The following ADCYAP1 variants were observed in gnomAD, a reference collection of about 807,000 sequenced individuals.
The protein encoded by ADCYAP1 is adenylate cyclase activating polypeptide 1.
In ADCYAP1, 6 loss-of-function variants were observed where a neutral mutation model predicts 18.5. That is an observed-to-expected ratio of 0.32 (90% CI 0.18 to 0.64). The LOEUF (loss-of-function observed/expected upper bound fraction) is 0.64. ADCYAP1 is among the 30% of genes least tolerant of loss of function. The pLI is 0.77. For synonymous variants in ADCYAP1, 136 were observed against 113.9 expected (o/e 1.19, Z -1.24); for missense variants, 314 against 253.6 (o/e 1.24, Z -1.62).
intron 3 of ADCYAP1, 138 bp from the exon 4 acceptor site, chr18:908,127 G>C (rs8192599): frequency 0.06 from 44,887 of 750,060 alleles, 1,548 homozygotes; most frequent in African/African-American, 0.11. Context: ...GGGAGTTATT[G>C]GCGAGTTCTG....
chr18:910,489 C>T lies in ADCYAP1; in HGVS notation c.*854C>T, dbSNP rs1472974699. On this transcript the variant is annotated 3_prime_UTR_variant, in exon 5 of 5. Coordinates refer to ENST00000450565, the MANE Select transcript of ADCYAP1 (RefSeq NM_001099733.2). ...CTGAGTGGCCAGGGAATCTAATATC[C>T]CCAAATTAGGGCAATTGGAACAAAG... 1 of 152,146 alleles carries T rather than the reference C, an allele frequency of 6.6e-6. No homozygotes were observed. The highest frequency in any genetic ancestry group is 1.5e-5 in the Non-Finnish European group (1 of 68,060). 9.4% of individuals were successfully genotyped at this position (152,146 alleles called of 1,614,324 possible). A position where few individuals can be genotyped will look rare whatever the true frequency, so the allele number is the denominator to read the frequency against.
intron 4 of ADCYAP1, among the ~76,000 whole-genome samples, chr18:908,907 A>C (rs1226745468): frequency 6.6e-6 from 1 of 152,198 alleles, no homozygotes; most frequent in Non-Finnish European, 1.5e-5. Flanking sequence ...TGAATAAGTC[A>C]TGCAGTGAAA....
upstream of ADCYAP1, chr18:904,684 C>A: frequency 8.2e-7 from 1 of 1,217,338 alleles, no homozygotes. Context: ...GCCTTCCTCC[C>A]CTTCTTTTCT....
rs757900497 is a variant in ADCYAP1 at position 907,704 on chromosome 18, C to T, written c.156C>T (p.Asp52=). The T allele has an allele frequency of 1.3e-6, 2 of 1,562,872 alleles. No individual in the cohort carries two copies. The highest frequency in any genetic ancestry group is 1.2e-5 in the South Asian group (1 of 86,070). ...AYGEDGNPLP[D]FDGSEPPGAG... is the part of the protein sequence containing the mutation. ...GCGAGGACGGAAACCCGCTGCCAGA[C>T]TTCGATGGCTCGGAGCCGCCGGGCG... Residue 52 remains aspartate (D), a synonymous_variant, in exon 3 of 5, where the codon GAC becomes GAT. Coordinates refer to ENST00000450565, the MANE Select transcript of ADCYAP1 (RefSeq NM_001099733.2).
chr18:905,035 C>A lies in ADCYAP1; in HGVS notation c.-27C>A. 1 of 1,294,936 alleles carries A rather than the reference C, an allele frequency of 7.7e-7. No homozygotes were observed. The highest frequency in any genetic ancestry group is 1.0e-6 in the Non-Finnish European group (1 of 993,062). 80.2% of individuals were successfully genotyped at this position (1,294,936 alleles called of 1,614,324 possible). ...TTGCCCGCCGTCCTACCTGGCAGCT[C>A]TCCTGGCAGCGGGAGGAGTTGAAGG... On this transcript the variant is annotated 5_prime_UTR_variant, in exon 1 of 5. Transcript: ENST00000450565.
chr18:905,540 A>G, intron 2 of ADCYAP1, 44 bp downstream of exon 2: 4 of 1,594,164 alleles, frequency 2.5e-6, no homozygotes, highest in Non-Finnish European at 3.4e-6. Flanking sequence ...GGGGCTTCCC[A>G]GGCACAGACG....
At chr18:905,198 A>AT in intron 1 of ADCYAP1, 138 bp downstream of exon 1, 6 of 1,426,150 alleles carry the variant, frequency 4.2e-6, no homozygotes, top group South Asian at 3.0e-5. Context: ...GCATATATAT[A>AT]TATTTTTTTC....
chr18:907,482 G>A, intron 2 of ADCYAP1, 177 bp from the exon 3 acceptor site: 1 of 623,604 alleles, frequency 1.6e-6, no homozygotes, highest in Non-Finnish European at 2.5e-6. Flanking sequence ...GGAGTGGTTG[G>A]GTGTCGTTGC....
Position 908,311 on chromosome 18 carries a change from G to A in ADCYAP1, c.289G>A (p.Asp97Asn). The A allele has an allele frequency of 1.2e-6, 2 of 1,613,452 alleles. No homozygotes were observed. The highest frequency in any genetic ancestry group is 1.7e-6 in the Non-Finnish European group (2 of 1,179,800). Residue 97 changes from aspartate to asparagine, a missense_variant, in exon 4 of 5, where the codon GAC becomes AAC. Physicochemically the swap from Asp to Asn is conservative, Grantham distance 23. Coordinates refer to ENST00000450565, the MANE Select transcript of ADCYAP1 (RefSeq NM_001099733.2). Reference protein sequence around the residue: ...ILNEAYRKVLDQLSAGKHLQS... With the variant: ...ILNEAYRKVLNQLSAGKHLQS... The stretch of plus-strand genomic sequence containing the variant: ...TAACGAGGCCTACCGCAAAGTGCTG[G>A]ACCAGCTGTCCGCCGGGAAGCACCT...
chr18:905,753 C>G, intron 2 of ADCYAP1: 1 of 503,504 alleles, frequency 2.0e-6, no homozygotes, highest in Non-Finnish European at 3.5e-6. Flanking sequence ...AGCTTCTGGC[C>G]GCTGGAGAAC....
At chr18:907,565 T>C (rs8192596) in intron 2 of ADCYAP1, 94 bp from the exon 3 acceptor site, 126,781 of 1,328,372 alleles carry the variant, frequency 0.095, 7,007 homozygotes, top group African/African-American at 0.24. Context: ...TTTTATCACC[T>C]GTGAAAATCC....
chr18:909,618 C>T lies in ADCYAP1; in HGVS notation c.514C>T (p.Arg172Ter). The stretch of plus-strand genomic sequence containing the variant: ...ACAAAGGGTTAAAAACAAAGGACGC[C>T]GAATAGCTTATTTGTAGCGATGGGT... ...YKQRVKNKGR[R>*]IAYL The change falls in exon 5 of 5, where the codon CGA becomes TGA. Residue 172 changes from arginine to a stop codon, truncating the protein, a stop_gained. Transcript: ENST00000450565. LOFTEE classifies it high-confidence loss of function. The T allele has an allele frequency of 2.5e-6, 4 of 1,613,454 alleles. No homozygotes were observed. The highest frequency in any genetic ancestry group is 1.3e-5 in the African/African-American group (1 of 74,962).
chr18:907,589 A>G, intron 2 of ADCYAP1, 70 bp from the exon 3 acceptor site: 1 of 1,491,536 alleles, frequency 6.7e-7, no homozygotes, highest in Admixed American at 2.1e-5. Flanking sequence ...CGAGCCCCTT[A>G]CTTTGGATCC....
At position 908,312 on chromosome 18, in the gene ADCYAP1, A is replaced by G. The variant is rs542086481; in HGVS notation, c.290A>G (p.Asp97Gly). The change falls in exon 4 of 5, where the codon GAC becomes GGC. Residue 97 changes from aspartate (D) to glycine (G), a missense_variant. By Grantham distance (94) the Asp-to-Gly change is moderately conservative. Coordinates refer to ENST00000450565, the MANE Select transcript of ADCYAP1 (RefSeq NM_001099733.2). Reference protein sequence around the residue: ...ILNEAYRKVLDQLSAGKHLQS... With the variant: ...ILNEAYRKVLGQLSAGKHLQS... The stretch of plus-strand genomic sequence containing the variant: ...AACGAGGCCTACCGCAAAGTGCTGG[A>G]CCAGCTGTCCGCCGGGAAGCACCTG... 1 of 1,613,414 alleles carries G rather than the reference A, an allele frequency of 6.2e-7. No homozygotes were observed. Among genetic ancestry groups the G allele is most frequent in the East Asian group, 2.2e-5 (1 of 44,842 alleles).
chr18:909,244 C>A (rs1039420289), intron 4 of ADCYAP1, among the ~76,000 whole-genome samples: 4 of 152,182 alleles, frequency 2.6e-5, no homozygotes, highest in Non-Finnish European at 5.9e-5. Context: ...GGAGATCCTG[C>A]GTGGGGAGGG....
chr18:905,198 A>G, intron 1 of ADCYAP1, 138 bp downstream of exon 1: 2 of 1,426,156 alleles, frequency 1.4e-6, no homozygotes, highest in Non-Finnish European at 9.1e-7. Context: ...GCATATATAT[A>G]TATTTTTTTC....
chr18:905,219 A>C, intron 1 of ADCYAP1, 159 bp downstream of exon 1: 4 of 1,449,130 alleles, frequency 2.8e-6, no homozygotes, highest in Non-Finnish European at 3.6e-6. Context: ...TAACTATAGC[A>C]AGCAAGAAGT....
In ADCYAP1 at chr18:905,382, G is replaced by T; in HGVS notation, c.-1-4G>T. 2 of 1,612,830 alleles carry T rather than the reference G, an allele frequency of 1.2e-6. No individual in the cohort carries two copies. Among genetic ancestry groups the T allele is most frequent in the Non-Finnish European group, 1.7e-6 (2 of 1,179,970 alleles). Reference sequence around the variant, plus strand: ...CTGTGTGTCCTCTTTCCCATCCTGCGCAGAATGACCATGTGTAGCGGAGCG... The same window carrying T: ...CTGTGTGTCCTCTTTCCCATCCTGCTCAGAATGACCATGTGTAGCGGAGCG... On this transcript the variant is annotated splice_region_variant and splice_polypyrimidine_tract_variant and intron_variant, in intron 1 of 4. Transcript: ENST00000450565.
chr18:906,526 G>C (rs1909177565), intron 2 of ADCYAP1: 1 of 152,490 alleles, frequency 6.6e-6, no homozygotes, highest in Non-Finnish European at 1.5e-5. Flanking sequence ...GCTCGAGGCA[G>C]GGCAATATCC....
Sources: allele counts gnomAD v4.1 joint callset (sites outside exome capture counted in the v4.1 genomes callset), GRCh38; gene constraint gnomAD v4.1.1; transcripts MANE v1.5; gene names NCBI Gene and HGNC (gene_info 2026-07-23, HGNC 2026-07-21).